HSPG2: variants seen among roughly 807,000 people sequenced by gnomAD.
The protein encoded by HSPG2 is basement membrane-specific heparan sulfate proteoglycan core protein.
Under a neutral mutation model 526.6 loss-of-function variants are expected in HSPG2, and 278 were observed. The ratio of observed to expected loss-of-function variants is 0.53; its 90% confidence interval spans 0.48 to 0.58. The LOEUF is 0.58. Ranked by LOEUF, HSPG2 falls within the 20% of genes least tolerant of loss-of-function variation. HSPG2 has a pLI of 0.00. For missense variants in HSPG2, 5,354 were observed against 6,099.5 expected (o/e 0.88, Z 4.07); for synonymous variants, 2,465 against 2,555.4 (o/e 0.96, Z 1.07).
At position 21,878,965 on chromosome 1, in the gene HSPG2, A is replaced by AC. The variant is rs777764033; in HGVS notation, c.2471+28dup. On this transcript the variant is annotated intron_variant, in intron 18 of 96. Coordinates refer to ENST00000374695, the MANE Select transcript of HSPG2 (RefSeq NM_005529.7). ...GGCCTGTTGCACTGTCCCCAGCCAA[A>AC]CCCCCCCTGACCCGGAGCTGGGGCT... is the stretch of plus-strand genomic sequence containing the variant. The AC allele has an allele frequency of 3.1e-4, 498 of 1,600,174 alleles. 1 individual carries two copies. In the East Asian group the frequency reaches 3.5e-3, roughly 11 times the overall value.
intron 12 of HSPG2, 45 bp from the exon 13 acceptor site, chr1:21,884,719 A>G: frequency 6.2e-7 from 1 of 1,610,892 alleles, no homozygotes; most frequent in Non-Finnish European, 8.5e-7. Flanking sequence ...TGTGGTGGGC[A>G]GCCCGGCTCT....
chr1:21,926,798 A>G (rs1415861468), intron 1 of HSPG2, among the ~76,000 whole-genome samples: 6 of 151,456 alleles, frequency 4.0e-5, no homozygotes, highest in African/African-American at 1.5e-4. Context: ...AGAGAGAAAG[A>G]AAATGATAGA....
rs1462322009 is a variant in HSPG2, at chr1:21,838,968, C to A, written c.10007G>T (p.Gly3336Val). The change falls in exon 74 of 97, where the codon GGC becomes GTC. Residue 3336 changes from glycine (G) to valine (V), a missense_variant. Coordinates refer to ENST00000374695, the MANE Select transcript of HSPG2 (RefSeq NM_005529.7). ...GGTCGCCCTCCCAGGAAGGCTGCTG[C>A]CCACGCGGCTCCACTGGAAGGTGAG... ...PPLTFQWSRV[G>V]SSLPGRATAR... The A allele has an allele frequency of 1.9e-6, 3 of 1,612,660 alleles. No homozygotes were observed. Among genetic ancestry groups the A allele is most frequent in the South Asian group, 2.2e-5 (2 of 91,036 alleles).
At chr1:21,888,785 G>A (rs988125404) in intron 6 of HSPG2, 21 of 1,167,336 alleles carry the variant, frequency 1.8e-5, no homozygotes, top group Non-Finnish European at 2.2e-5. Flanking sequence ...TGCAGGGCTG[G>A]GCCACATTCC....
chr1:21,835,299 C>G, intron 76 of HSPG2: 2 of 602,820 alleles, frequency 3.3e-6, no homozygotes, highest in Non-Finnish European at 5.9e-6. Flanking sequence ...CACACTGATT[C>G]AATCTTCATC....
Position 21,822,482 on chromosome 1 carries a change from AGCG to A in HSPG2, c.*831_*833del. ...AAGGCACTAGCTCTTCCTGAGCACC[AGCG>A]GCATCCGTCCGTCCGTTGTCTGTTG... On this transcript the variant is annotated 3_prime_UTR_variant, in exon 97 of 97. Transcript: ENST00000374695. The A allele has an allele frequency of 2.4e-6, 1 of 418,458 alleles. No individual in the cohort carries two copies. 25.9% of individuals were successfully genotyped at this position (418,458 alleles called of 1,614,324 possible). A position where few individuals can be genotyped will look rare whatever the true frequency, so the allele number is the denominator to read the frequency against.
chr1:21,936,526 C>T (rs1222801905), intron 1 of HSPG2, among the ~76,000 whole-genome samples: 1 of 152,166 alleles, frequency 6.6e-6, no homozygotes, highest in African/African-American at 2.4e-5. Flanking sequence ...CCACGTGGGG[C>T]TGGCCTCAGA....
Position 21,928,721 on chromosome 1 carries a change from C to A in HSPG2, c.63+8434G>T, listed in dbSNP as rs542079931. 2.7e-4 allele frequency among the ~76,000 whole-genome samples: 40 copies of A among 149,900 alleles called. No individual in the cohort carries two copies. In the East Asian group the frequency reaches 6.4e-3, roughly 24 times the overall value. On this transcript the variant is annotated intron_variant, in intron 1 of 96. Transcript: ENST00000374695. ...CCTCCCAAAGTGCTGGGATTACAGG[C>A]GTGAGCCACCGCGCCCATCCTTTAT...
chr1:21,864,111 C>A lies in HSPG2; in HGVS notation c.4729G>T (p.Gly1577Trp). The change falls in exon 37 of 97, where the codon GGG (glycine) becomes TGG (tryptophan). Residue 1577 changes from glycine to tryptophan, a missense_variant. Transcript: ENST00000374695. The surrounding 1 kb of genome is among the most constrained non-coding windows in gnomAD (Gnocchi z 4.8). The stretch of plus-strand genomic sequence containing the variant: ...CGCTTGCAGCTCACCGAGCAGGCCC[C>A]AGTCTCTGGGTGGCACAGGTCTGAG... ...GHSDLCHPET[G>W]ACSQCQHNAA... 6.4e-7 allele frequency: 1 copy of A among 1,553,702 alleles called. No homozygotes were observed. The highest frequency in any genetic ancestry group is 8.7e-7 in the Non-Finnish European group (1 of 1,148,534).
At chr1:21,889,294 G>A (rs1642177655) in intron 6 of HSPG2, among the ~76,000 whole-genome samples, 1 of 152,178 alleles carries the variant, frequency 6.6e-6, no homozygotes, top group African/African-American at 2.4e-5. Context: ...AGAAAAAAAA[G>A]AGACTCAGGA....
chr1:21,832,055 G>A (rs868794274), intron 81 of HSPG2, among the ~76,000 whole-genome samples: 22 of 152,286 alleles, frequency 1.4e-4, no homozygotes, highest in Middle Eastern at 3.4e-3. Flanking sequence ...GCGCCCTGCA[G>A]CCTAGCACCT....
Position 21,847,861 on chromosome 1 carries a change from A to T in HSPG2, c.7874-21T>A. On this transcript the variant is annotated intron_variant, in intron 60 of 96. Transcript: ENST00000374695. This position sits in a 1 kb window ranked among gnomAD's most constrained non-coding sequence, Gnocchi z 4.1. The stretch of plus-strand genomic sequence containing the variant: ...GGGCACTGGGGACAGACGGGTGTGG[A>T]CCACGCAGCCAGAGTGAGATAACAG... 1 of 1,613,782 alleles carries T rather than the reference A, an allele frequency of 6.2e-7. No individual in the cohort carries two copies. Among genetic ancestry groups the T allele is most frequent in the Non-Finnish European group, 8.5e-7 (1 of 1,179,988 alleles).
rs777776748 is a variant in HSPG2 at position 21,858,045 on chromosome 1, C to T, written c.5294-660G>A. On this transcript the variant is annotated intron_variant, in intron 42 of 96. Coordinates refer to ENST00000374695, the MANE Select transcript of HSPG2 (RefSeq NM_005529.7). The surrounding 1 kb of genome is among the most constrained non-coding windows in gnomAD (Gnocchi z 4.2). ...CTAGGATTTCCCATTTCCGAAAACT[C>T]CCCCTTGACCTCATGCTCTCGCAGT... 1.3e-5 allele frequency among the ~76,000 whole-genome samples: 2 copies of T among 152,190 alleles called. No homozygotes were observed. The highest frequency in any genetic ancestry group is 2.9e-5 in the Non-Finnish European group (2 of 68,030).
rs1487899814 is a variant in HSPG2, at chr1:21,865,747, G to C, written c.4284C>G (p.Ser1428Arg). Reference sequence around the variant, plus strand: ...TCTGCACATCGGGGTCAGAGAGTGGGCTGCCCTGTGGGCCTGCTGTGTAGG... The same window carrying C: ...TCTGCACATCGGGGTCAGAGAGTGGCCTGCCCTGTGGGCCTGCTGTGTAGG... Reference protein sequence around the residue: ...TLSYTAGPQGSPLSDPDVQIT... With the variant: ...TLSYTAGPQGRPLSDPDVQIT... The change falls in exon 34 of 97, where the codon AGC (serine) becomes AGG (arginine). Residue 1428 changes from serine (S) to arginine (R), a missense_variant. By Grantham distance (110) the Ser-to-Arg change is moderately radical. Transcript: ENST00000374695. This position sits in a 1 kb window ranked among gnomAD's most constrained non-coding sequence, Gnocchi z 5.4. 6.2e-7 allele frequency: 1 copy of C among 1,613,756 alleles called. No individual in the cohort carries two copies. The highest frequency in any genetic ancestry group is 1.3e-5 in the African/African-American group (1 of 74,936).
At chr1:21,908,020 AAC>A in intron 1 of HSPG2, 1 of 690,712 alleles carries the variant, frequency 1.4e-6, no homozygotes, top group Non-Finnish European at 2.7e-6. Context: ...TGCTACAGAT[AAC>A]ACAGCACATG....
At chr1:21,930,311 T>C (rs559558451) in intron 1 of HSPG2, among the ~76,000 whole-genome samples, 1 of 152,306 alleles carries the variant, frequency 6.6e-6, no homozygotes, top group African/African-American at 2.4e-5. Context: ...CACCCCACCC[T>C]ACCTACCCCG....
At chr1:21,873,506 T>C (rs1640813918) in intron 29 of HSPG2, 82 bp from the exon 30 acceptor site, 4 of 1,280,404 alleles carry the variant, frequency 3.1e-6, no homozygotes, top group Non-Finnish European at 4.6e-6. Flanking sequence ...CCATATTGAA[T>C]TCAATGGCCT....
rs1480994295 is a variant in HSPG2, at chr1:21,848,746, A to G, written c.7634T>C (p.Leu2545Pro). 1 of 1,613,832 alleles carries G rather than the reference A, an allele frequency of 6.2e-7. No individual in the cohort carries two copies. The change falls in exon 59 of 97, where the codon CTG becomes CCG. Residue 2545 changes from leucine to proline, a missense_variant. Transcript: ENST00000374695. This position sits in a 1 kb window ranked among gnomAD's most constrained non-coding sequence, Gnocchi z 4.9. ...GAGGTCCAGGGTGTGTCCATTGGCC[A>G]GGGAGGCTGAGGAGGACTCGATGCG... ...PVRIESSSAS[L>P]ANGHTLDLNC...
chr1:21,873,841 G>A (rs1640843567), intron 29 of HSPG2, 84 bp downstream of exon 29: 1 of 1,199,484 alleles, frequency 8.3e-7, no homozygotes. Context: ...TGATTCCTCT[G>A]GGTTGGGAGC....
Sources: allele counts gnomAD v4.1 joint callset (sites outside exome capture counted in the v4.1 genomes callset), GRCh38; gene constraint gnomAD v4.1.1; non-coding constraint Gnocchi (gnomAD v3.1); transcripts MANE v1.5; gene names NCBI Gene and HGNC (gene_info 2026-07-23, HGNC 2026-07-21).